Variants in WIPI2 observed in about 807,000 individuals in gnomAD.
WIPI2 encodes WD repeat domain, phosphoinositide interacting 2.
A neutral mutation model predicts 52.3 loss-of-function variants in WIPI2; 28 were observed. The ratio of observed to expected loss-of-function variants is 0.54; its 90% CI spans 0.40 to 0.73. The LOEUF (loss-of-function observed/expected upper bound fraction) is 0.73. Among genes scored for constraint, WIPI2 ranks in the 30% least tolerant of loss-of-function variants. WIPI2 has a pLI of 0.00. For missense variants in WIPI2, 506 were observed against 602.9 expected (o/e 0.84, Z 1.68); for synonymous variants, 268 against 245.0 (o/e 1.09, Z -0.88).
Position 5,217,948 on chromosome 7 carries a change from C to A in WIPI2, c.603C>A (p.His201Gln). The A allele has an allele frequency of 6.2e-7, 1 of 1,614,234 alleles. No homozygotes were observed. Among genetic ancestry groups the A allele is most frequent in the Non-Finnish European group, 8.5e-7 (1 of 1,180,028 alleles). ...NLRAANMIPA[H>Q]DSPLAALAFD... The stretch of plus-strand genomic sequence containing the variant: ...GAGCTGCAAACATGATTCCGGCTCA[C>A]GACAGTCCTTTAGCGGCACTGGCCT... The change falls in exon 7 of 13, where the codon CAC becomes CAA. Residue 201 changes from histidine to glutamine, a missense_variant. Physicochemically the swap from His to Gln is conservative, Grantham distance 24. Coordinates refer to ENST00000288828, the MANE Select transcript of WIPI2 (RefSeq NM_015610.4).
intron 2 of WIPI2, among the ~76,000 whole-genome samples, chr7:5,198,045 T>G (rs1781836174): frequency 6.6e-6 from 1 of 152,206 alleles, no homozygotes. Flanking sequence ...TCCTTGAGCC[T>G]CCTCGCAGAA....
At chr7:5,212,302 C>T (rs142172831) in intron 3 of WIPI2, among the ~76,000 whole-genome samples, 11 of 152,228 alleles carry the variant, frequency 7.2e-5, no homozygotes, top group Admixed American at 2.0e-4. Flanking sequence ...GTGGTAAGCG[C>T]GGTGACTACT....
intron 7 of WIPI2, chr7:5,219,027 C>T (rs1427253391): frequency 2.0e-5 from 3 of 152,230 alleles, no homozygotes; most frequent in African/African-American, 7.2e-5. Context: ...CGGCTCACTT[C>T]CTTAGCTTTC....
intron 3 of WIPI2, among the ~76,000 whole-genome samples, chr7:5,210,837 A>G (rs754703395): frequency 2.7e-4 from 41 of 152,196 alleles, no homozygotes; most frequent in Non-Finnish European, 4.7e-4. Context: ...TCAAAAGACA[A>G]CCTCGTTTTG....
chr7:5,199,564 G>T lies in WIPI2; in HGVS notation c.129-12G>T. 6.2e-7 allele frequency: 1 copy of T among 1,603,756 alleles called. No individual in the cohort carries two copies. The highest frequency in any genetic ancestry group is 8.5e-7 in the Non-Finnish European group (1 of 1,177,298). On this transcript the variant is annotated splice_polypyrimidine_tract_variant and intron_variant, in intron 2 of 12. Coordinates refer to ENST00000288828, the MANE Select transcript of WIPI2 (RefSeq NM_015610.4). ...GTATCAGCTCTTATTTCTGAATTTGGCTTTTTTGCAGGTCCCTAGCTGTTG... is the reference window on the plus strand; with the variant it reads ...GTATCAGCTCTTATTTCTGAATTTGTCTTTTTTGCAGGTCCCTAGCTGTTG...
intron 3 of WIPI2, among the ~76,000 whole-genome samples, chr7:5,206,128 C>T (rs758904116): frequency 7.9e-5 from 12 of 151,830 alleles, no homozygotes; most frequent in South Asian, 2.1e-4. Context: ...AAGGGTTTTT[C>T]CTGCTCCCAG....
At chr7:5,201,803 T>G (rs1782041091) in intron 3 of WIPI2, among the ~76,000 whole-genome samples, 1 of 152,208 alleles carries the variant, frequency 6.6e-6, no homozygotes, top group African/African-American at 2.4e-5. Flanking sequence ...GGTGGGTGCA[T>G]GAATGTCTGT....
At chr7:5,209,577 T>C (rs1306667343) in intron 3 of WIPI2, among the ~76,000 whole-genome samples, 1 of 152,230 alleles carries the variant, frequency 6.6e-6, no homozygotes, top group African/African-American at 2.4e-5. Context: ...AATTGGAATT[T>C]ATCACCACCT....
At chr7:5,229,555 C>T (rs1382239491) in intron 11 of WIPI2, 53 bp from the exon 12 acceptor site, 5 of 1,584,634 alleles carry the variant, frequency 3.2e-6, no homozygotes, top group East Asian at 2.3e-5. Context: ...GTGTACTGCC[C>T]GCAGGGCTGC....
chr7:5,220,529 A>G (rs777074571), intron 7 of WIPI2, among the ~76,000 whole-genome samples: 18 of 151,984 alleles, frequency 1.2e-4, no homozygotes, highest in Non-Finnish European at 2.4e-4. Context: ...GTGAGCCACC[A>G]CGCCCAGCCA....
At position 5,225,886 on chromosome 7, in the gene WIPI2, C is replaced by A; in HGVS notation, c.804C>A (p.Asn268Lys). 6.2e-7 allele frequency: 1 copy of A among 1,613,984 alleles called. No homozygotes were observed. ...GCATGTTCCTCTCCGCCTCCAGCAA[C>A]ACTGAGACCGTGCACATCTTCAAAC... ...MDGMFLSASSNTETVHIFKLE... is the reference protein window; with the variant it reads ...MDGMFLSASSKTETVHIFKLE... The change falls in exon 9 of 13, where the codon AAC becomes AAA. Residue 268 changes from asparagine to lysine, a missense_variant. Transcript: ENST00000288828.
intron 8 of WIPI2, 81 bp from the exon 9 acceptor site, chr7:5,225,742 A>G: frequency 1.0e-6 from 1 of 961,116 alleles, no homozygotes. Context: ...CCGTGACAGG[A>G]ACTCTTCTCC....
chr7:5,193,365 C>G (rs1583533851), intron 2 of WIPI2, 194 bp downstream of exon 2: 17 of 1,383,222 alleles, frequency 1.2e-5, no homozygotes, highest in Non-Finnish European at 1.5e-5. Flanking sequence ...GTAGCAATGT[C>G]TGTTTTAAAT....
In WIPI2 at chr7:5,230,324, A is replaced by G. The variant is rs1783672451; in HGVS notation, c.1253-511A>G. Among the ~76,000 whole-genome samples the G allele has an allele frequency of 6.6e-6, 1 of 152,230 alleles. No individual in the cohort carries two copies. The highest frequency in any genetic ancestry group is 2.4e-5 in the African/African-American group (1 of 41,448). ...GGCCAATGGGCTCCCCTCCGGCGGCAGCACTAAGACCCATGCATGAGATCC... is the reference window on the plus strand; with the variant it reads ...GGCCAATGGGCTCCCCTCCGGCGGCGGCACTAAGACCCATGCATGAGATCC... On this transcript the variant is annotated intron_variant, in intron 12 of 12. Transcript: ENST00000288828. The surrounding 1 kb of genome is among the most constrained non-coding windows in gnomAD (Gnocchi z 4.8).
At chr7:5,204,238 G>A (rs575343101) in intron 3 of WIPI2, among the ~76,000 whole-genome samples, 28 of 152,266 alleles carry the variant, frequency 1.8e-4, no homozygotes, top group South Asian at 4.1e-4. Flanking sequence ...AGGCCGAGGC[G>A]GGTGGATCAC....
At chr7:5,194,656 G>A (rs914827476) in intron 2 of WIPI2, among the ~76,000 whole-genome samples, 1 of 152,036 alleles carries the variant, frequency 6.6e-6, no homozygotes, top group Admixed American at 6.5e-5. Context: ...TTTTATTTTT[G>A]TAGAGATGGG....
At chr7:5,201,850 G>C (rs909275082) in intron 3 of WIPI2, among the ~76,000 whole-genome samples, 16 of 152,152 alleles carry the variant, frequency 1.1e-4, no homozygotes, top group Non-Finnish European at 2.1e-4. Context: ...AAAAATAGAT[G>C]ATGAAATGGA....
chr7:5,197,111 C>CAAAAAAAAAAAAAAAAAAAAAAAAA lies in WIPI2; in HGVS notation c.129-2459_129-2458insAAAAAAAAAAAAAAAAAAAAAAAAA, dbSNP rs1562384541. 7.1e-5 allele frequency among the ~76,000 whole-genome samples: 4 copies of CAAAAAAAAAAAAAAAAAAAAAAAAA among 56,428 alleles called. 1 individual carries two copies. The highest frequency in any genetic ancestry group is 2.5e-4 in the Admixed American group (1 of 4,050). The allele number at this position is 56,428 out of a possible 152,430, so 37.0% of individuals were successfully genotyped here. A position where few individuals can be genotyped will look rare whatever the true frequency, so the allele number is the denominator to read the frequency against. On this transcript the variant is annotated intron_variant, in intron 2 of 12. Transcript: ENST00000288828. ...TGCATGACAGAGCGGGACTCCGTCT[C>CAAAAAAAAAAAAAAAAAAAAAAAAA]AAAAAACAAAAAAAAAAAAAAAAAA...
At chr7:5,199,357 A>G (rs1781915749) in intron 2 of WIPI2, among the ~76,000 whole-genome samples, 1 of 152,216 alleles carries the variant, frequency 6.6e-6, no homozygotes, top group Non-Finnish European at 1.5e-5. Context: ...AAAGTTTTAT[A>G]GGATTTAAGT....
Sources: allele counts gnomAD v4.1 joint callset (sites outside exome capture counted in the v4.1 genomes callset), GRCh38; gene constraint gnomAD v4.1.1; non-coding constraint Gnocchi (gnomAD v3.1); transcripts MANE v1.5; gene names NCBI Gene and HGNC (gene_info 2026-07-23, HGNC 2026-07-21).